Variants in ZBTB40 observed in about 807,000 individuals in gnomAD.
ZBTB40 encodes the protein zinc finger and BTB domain-containing protein 40.
In ZBTB40, 60 loss-of-function variants were observed where a neutral mutation model predicts 117.5. The ratio of observed to expected loss-of-function variants is 0.51; its 90% CI spans 0.41 to 0.63. The LOEUF is 0.63. Ranked by LOEUF, ZBTB40 falls within the 30% of genes least tolerant of loss-of-function variation. ZBTB40 has a pLI of 0.00. For synonymous variants in ZBTB40, 525 were observed against 577.1 expected (o/e 0.91, Z 1.29); for missense variants, 1,287 against 1,498.5 (o/e 0.86, Z 2.33).
Position 22,451,963 on chromosome 1 carries a change from C to A in ZBTB40, c.-111C>A, listed in dbSNP as rs4655064. Reference sequence around the variant, plus strand: ...GCAGGAGTGTTCGTGTCCTCTATGGCGCTGTCAATAAAGAACGGCAGTTTG... The same window carrying A: ...GCAGGAGTGTTCGTGTCCTCTATGGAGCTGTCAATAAAGAACGGCAGTTTG... On this transcript the variant is annotated 5_prime_UTR_variant, in exon 1 of 18. Coordinates refer to ENST00000375647, the MANE Select transcript of ZBTB40 (RefSeq NM_014870.4). 0.32 allele frequency: 48,010 copies of A among 152,288 alleles called. 8,463 individuals carry two copies. Among genetic ancestry groups the A allele is most frequent in the Admixed American group, 0.43 (6,585 of 15,296 alleles). The allele number at this position is 152,288 out of a possible 1,614,324, so 9.4% of individuals were successfully genotyped here. A position where few individuals can be genotyped will look rare whatever the true frequency, so the allele number is the denominator to read the frequency against.
chr1:22,430,296 T>C (rs1640562715), intron 1 of ZBTB40, among the ~76,000 whole-genome samples: 1 of 152,102 alleles, frequency 6.6e-6, no homozygotes, highest in Non-Finnish European at 1.5e-5. Context: ...CTGGTTATAA[T>C]ATCAACATTT....
chr1:22,511,544 A>G (rs903213175), intron 10 of ZBTB40, 132 bp from the exon 11 acceptor site: 12 of 1,245,396 alleles, frequency 9.6e-6, no homozygotes, highest in Middle Eastern at 2.2e-4. Context: ...AAGGAGGACA[A>G]TGATATTACT....
chr1:22,518,664 G>T (rs565904188), intron 13 of ZBTB40, among the ~76,000 whole-genome samples: 10 of 152,160 alleles, frequency 6.6e-5, no homozygotes, highest in Non-Finnish European at 1.3e-4. Context: ...CTTTGCCAAA[G>T]CTCCTATGTG....
At chr1:22,522,768 TA>T (rs1246385073) in intron 16 of ZBTB40, among the ~76,000 whole-genome samples, 158 of 123,520 alleles carry the variant, frequency 1.3e-3, no homozygotes, top group African/African-American at 4.0e-3. Flanking sequence ...ATACCATTTT[TA>T]TTTTTTTTTT....
chr1:22,460,041 G>A (rs536024281), intron 1 of ZBTB40, among the ~76,000 whole-genome samples: 11 of 152,124 alleles, frequency 7.2e-5, no homozygotes, highest in African/African-American at 2.6e-4. Flanking sequence ...TTTTGCATGC[G>A]ACTTCAAATT....
In ZBTB40 at chr1:22,513,524, C is replaced by A. The variant is rs1009654767; in HGVS notation, c.2668+394C>A. 2.6e-5 allele frequency among the ~76,000 whole-genome samples: 4 copies of A among 151,980 alleles called. No homozygotes were observed. Among genetic ancestry groups the A allele is most frequent in the African/African-American group, 4.8e-5 (2 of 41,392 alleles). On this transcript the variant is annotated intron_variant, in intron 12 of 17. Transcript: ENST00000375647. The surrounding 1 kb of genome is among the most constrained non-coding windows in gnomAD (Gnocchi z 4.9). Reference sequence around the variant, plus strand: ...GACCATCCTGGCTAACATGGTGAAACCCCATCTGTACTAAAAAATACAAAA... The same window carrying A: ...GACCATCCTGGCTAACATGGTGAAAACCCATCTGTACTAAAAAATACAAAA...
In ZBTB40 at chr1:22,512,723, G is replaced by C. The variant is rs560494043; in HGVS notation, c.2462-201G>C. Among the ~76,000 whole-genome samples, 5 of 152,340 alleles carry C rather than the reference G, an allele frequency of 3.3e-5. No individual in the cohort carries two copies. In the East Asian group the frequency reaches 7.7e-4, roughly 24 times the overall value. On this transcript the variant is annotated intron_variant, in intron 11 of 17. Transcript: ENST00000375647. ...CGGCTCCATCCAGGAGTAAGGCCAG[G>C]TGACTTTGGGGATGCCAGTTGGTGG...
chr1:22,454,716 C>A (rs185225954), intron 1 of ZBTB40, among the ~76,000 whole-genome samples: 162 of 152,380 alleles, frequency 1.1e-3, no homozygotes, highest in African/African-American at 3.7e-3. Context: ...ACTGAGAGAA[C>A]TGCACGCCCA....
chr1:22,444,105 A>G (rs1363889274), intron 1 of ZBTB40, among the ~76,000 whole-genome samples: 2 of 152,096 alleles, frequency 1.3e-5, no homozygotes, highest in Admixed American at 6.6e-5. Context: ...TGGTTGTTAC[A>G]CTGTCTCTCT....
At chr1:22,460,864 C>T (rs1012930594) in intron 1 of ZBTB40, among the ~76,000 whole-genome samples, 3 of 152,170 alleles carry the variant, frequency 2.0e-5, no homozygotes, top group Non-Finnish European at 4.4e-5. Context: ...TTCCCATCTA[C>T]GAATTCACAC....
chr1:22,522,945 C>CTTTTTTTTTTTTTTTTTTTTTT (rs34232963), intron 16 of ZBTB40, among the ~76,000 whole-genome samples: 1 of 93,910 alleles, frequency 1.1e-5, no homozygotes, highest in East Asian at 4.0e-4. Flanking sequence ...TAAGATGTAC[C>CTTTTTTTTTTTTTTTTTTTTTT]TTTTTTTTTT....
At chr1:22,450,272 C>A (rs74453556), upstream of ZBTB40, among the ~76,000 whole-genome samples, 1,719 of 152,304 alleles carry the variant, frequency 0.011, 10 homozygotes, top group Non-Finnish European at 0.018. Context: ...ATTTCTAGAG[C>A]ACCTACTATG....
chr1:22,456,118 A>C (rs1348291990), intron 1 of ZBTB40, among the ~76,000 whole-genome samples: 1 of 152,174 alleles, frequency 6.6e-6, no homozygotes, highest in Non-Finnish European at 1.5e-5. Context: ...CATCATCTGG[A>C]TAATGTGGAG....
At chr1:22,466,710 C>T (rs1181800351) in intron 1 of ZBTB40, among the ~76,000 whole-genome samples, 1 of 151,508 alleles carries the variant, frequency 6.6e-6, no homozygotes, top group Non-Finnish European at 1.5e-5. Context: ...GTATTCAAAT[C>T]CTTTGCCCAT....
chr1:22,511,788 TG>T lies in ZBTB40; in HGVS notation c.2119del (p.Glu707AsnfsTer45), dbSNP rs758100768. 6.2e-7 allele frequency: 1 copy of T among 1,612,538 alleles called. No homozygotes were observed. ...EKAAKEDSQPGEQNDQGETGS... is the reference protein window; with the variant it reads ...EKAAKEDSQPXEQNDQGETGS... ...AGGCAGCCAAAGAAGACAGCCAGCC[TG>T]GGGAACAGAATGATCAAGGAGAGAC... On this transcript the variant is annotated frameshift_variant, in exon 11 of 18. Coordinates refer to ENST00000375647, the MANE Select transcript of ZBTB40 (RefSeq NM_014870.4). LOFTEE classifies it high-confidence loss of function.
chr1:22,529,483 A>G lies in ZBTB40; in HGVS notation c.*3087A>G, dbSNP rs1639772940. 2.0e-5 allele frequency: 3 copies of G among 152,362 alleles called. No homozygotes were observed. The highest frequency in any genetic ancestry group is 7.2e-5 in the African/African-American group (3 of 41,436). 9.4% of individuals were successfully genotyped at this position (152,362 alleles called of 1,614,324 possible). On this transcript the variant is annotated 3_prime_UTR_variant, in exon 18 of 18. Coordinates refer to ENST00000375647, the MANE Select transcript of ZBTB40 (RefSeq NM_014870.4). ...TGGGAATACTGGGGTCAGTTATGGAACAGGACTTGCCCATCATAGGTAAGT... is the reference window on the plus strand; with the variant it reads ...TGGGAATACTGGGGTCAGTTATGGAGCAGGACTTGCCCATCATAGGTAAGT...
intron 3 of ZBTB40, among the ~76,000 whole-genome samples, chr1:22,493,585 C>T (rs1406659696): frequency 1.3e-5 from 2 of 152,132 alleles, no homozygotes; most frequent in Non-Finnish European, 2.9e-5. Context: ...TGGTAAACAT[C>T]TCCATCACCC....
intron 10 of ZBTB40, 152 bp from the exon 11 acceptor site, chr1:22,511,524 A>T: frequency 8.1e-7 from 1 of 1,236,262 alleles, no homozygotes; most frequent in Non-Finnish European, 1.1e-6. Context: ...CTTTGTGTTT[A>T]TTGGAAAGTA....
intron 15 of ZBTB40, 111 bp downstream of exon 15, chr1:22,521,769 T>C (rs1246001219): frequency 1.3e-6 from 2 of 1,500,112 alleles, no homozygotes; most frequent in South Asian, 1.1e-5. Context: ...GCAGTGGTCA[T>C]TGCCTTTGTT....
Sources: allele counts gnomAD v4.1 joint callset (sites outside exome capture counted in the v4.1 genomes callset), GRCh38; gene constraint gnomAD v4.1.1; non-coding constraint Gnocchi (gnomAD v3.1); transcripts MANE v1.5; gene names NCBI Gene and HGNC (gene_info 2026-07-23, HGNC 2026-07-21).